The following LRMDA variants were observed in gnomAD, a reference collection of about 807,000 sequenced individuals.
LRMDA encodes leucine-rich melanocyte differentiation-associated protein.
Under a neutral mutation model 29.8 loss-of-function variants are expected in LRMDA, and 18 were observed. The ratio of observed to expected loss-of-function variants is 0.60; its 90% CI spans 0.42 to 0.90. The LOEUF (loss-of-function observed/expected upper bound fraction) is 0.90, where lower values mean the gene tolerates loss of function less well. LRMDA is among the 40% of genes least tolerant of loss of function. The pLI, the probability that LRMDA is intolerant of heterozygous loss-of-function variation, is 0.00. For missense variants in LRMDA, 273 were observed against 273.9 expected (o/e 1.00, Z 0.02); for synonymous variants, 125 against 109.4 (o/e 1.14, Z -0.89).
chr10:76,030,218 C>G (rs544850782), intron 2 of LRMDA, among the ~76,000 whole-genome samples: 1 of 152,024 alleles, frequency 6.6e-6, no homozygotes, highest in Non-Finnish European at 1.5e-5. Flanking sequence ...GATACACTTA[C>G]AGTATGGATT....
chr10:76,355,216 A>G (rs780791839), intron 6 of LRMDA, among the ~76,000 whole-genome samples: 1 of 152,166 alleles, frequency 6.6e-6, no homozygotes, highest in Non-Finnish European at 1.5e-5. Context: ...GTATGTGCCA[A>G]AGTGACTAGA....
chr10:75,502,626 C>T (rs1369847303), intron 2 of LRMDA, among the ~76,000 whole-genome samples: 1 of 152,144 alleles, frequency 6.6e-6, no homozygotes, highest in African/African-American at 2.4e-5. Flanking sequence ...GCCTGGTTGG[C>T]CCTTGAACTC....
intron 2 of LRMDA, among the ~76,000 whole-genome samples, chr10:75,640,771 G>A (rs1389531795): frequency 6.6e-6 from 1 of 152,068 alleles, no homozygotes; most frequent in Non-Finnish European, 1.5e-5. Flanking sequence ...TCAAAGGGAA[G>A]CTTTTTTTTA....
intron 2 of LRMDA, among the ~76,000 whole-genome samples, chr10:75,492,949 T>C (rs901592251): frequency 2.0e-5 from 3 of 152,184 alleles, no homozygotes; most frequent in Non-Finnish European, 4.4e-5. Context: ...ACAAAGCTCA[T>C]TGAAGGAATA....
At chr10:75,741,962 A>G (rs767088620) in intron 2 of LRMDA, among the ~76,000 whole-genome samples, 10 of 152,198 alleles carry the variant, frequency 6.6e-5, no homozygotes, top group Non-Finnish European at 1.0e-4. Flanking sequence ...CTGTGAGGAC[A>G]GAATGCAAAG....
chr10:76,393,456 A>G (rs924785990), intron 6 of LRMDA, among the ~76,000 whole-genome samples: 6 of 152,036 alleles, frequency 3.9e-5, no homozygotes, highest in African/African-American at 1.2e-4. Context: ...GATCATTTGT[A>G]TGTCTTCTTT....
intron 2 of LRMDA, among the ~76,000 whole-genome samples, chr10:75,564,035 G>A (rs1840337288): frequency 6.6e-6 from 1 of 152,186 alleles, no homozygotes; most frequent in Non-Finnish European, 1.5e-5. Context: ...CCAGCTGCGT[G>A]CTGGGAGAAC....
chr10:76,123,278 G>A (rs184392815), intron 5 of LRMDA, among the ~76,000 whole-genome samples: 140 of 151,502 alleles, frequency 9.2e-4, no homozygotes, highest in Non-Finnish European at 1.6e-4. Flanking sequence ...GGAGGCCAAG[G>A]CAGTCAGATT....
At chr10:76,094,020 T>C (rs1849275477) in intron 5 of LRMDA, among the ~76,000 whole-genome samples, 1 of 152,156 alleles carries the variant, frequency 6.6e-6, no homozygotes, top group Non-Finnish European at 1.5e-5. Flanking sequence ...CAGTTTTGTG[T>C]CCTCTGTAGT....
chr10:75,517,938 T>G (rs1219280827), intron 2 of LRMDA, among the ~76,000 whole-genome samples: 1 of 152,224 alleles, frequency 6.6e-6, no homozygotes, highest in Non-Finnish European at 1.5e-5. Flanking sequence ...TGGAGTTTTC[T>G]GCATCTATTG....
At chr10:76,160,391 T>C (rs1850623763) in intron 5 of LRMDA, among the ~76,000 whole-genome samples, 1 of 152,114 alleles carries the variant, frequency 6.6e-6, no homozygotes, top group Non-Finnish European at 1.5e-5. Context: ...GGATATTTGA[T>C]AACAGTAATT....
intron 2 of LRMDA, among the ~76,000 whole-genome samples, chr10:75,551,494 C>A (rs1343789108): frequency 6.6e-6 from 1 of 151,988 alleles, no homozygotes; most frequent in African/African-American, 2.4e-5. Context: ...AGCCCCCATC[C>A]CCCAACAGGC....
intron 2 of LRMDA, among the ~76,000 whole-genome samples, chr10:75,585,913 G>C (rs1460716392): frequency 6.6e-6 from 1 of 152,082 alleles, no homozygotes; most frequent in East Asian, 1.9e-4. Flanking sequence ...CACATAAGTG[G>C]AATCATGCAG....
intron 2 of LRMDA, among the ~76,000 whole-genome samples, chr10:75,620,123 C>A (rs1841163496): frequency 6.6e-6 from 1 of 152,140 alleles, no homozygotes; most frequent in Non-Finnish European, 1.5e-5. Flanking sequence ...TGCACACTGC[C>A]TGCTCCCTGG....
In LRMDA at chr10:76,024,477, C is replaced by T. The variant is rs545165087; in HGVS notation, c.132-11531C>T. Among the ~76,000 whole-genome samples, 12 of 152,314 alleles carry T rather than the reference C, an allele frequency of 7.9e-5. No homozygotes were observed. In the South Asian group the frequency reaches 2.3e-3, roughly 29 times the overall value. ...AAAGAAAATGGCTCCGGTAGCAAGC[C>T]ACTTTTGGAGGTCACCATATCTCCT... is the stretch of plus-strand genomic sequence containing the variant. On this transcript the variant is annotated intron_variant, in intron 2 of 6. Transcript: ENST00000611255.
intron 2 of LRMDA, among the ~76,000 whole-genome samples, chr10:75,960,211 T>A (rs1206034520): frequency 6.6e-6 from 1 of 152,212 alleles, no homozygotes. Context: ...CTAGAGCTAA[T>A]TCATACTAAA....
At chr10:76,355,118 A>G (rs1244611280) in intron 6 of LRMDA, among the ~76,000 whole-genome samples, 2 of 152,168 alleles carry the variant, frequency 1.3e-5, no homozygotes, top group Non-Finnish European at 2.9e-5. Context: ...AGTATCAAAC[A>G]TGACCTTTGC....
chr10:76,357,837 C>T (rs1363385116), intron 6 of LRMDA, among the ~76,000 whole-genome samples: 1 of 152,174 alleles, frequency 6.6e-6, no homozygotes, highest in Non-Finnish European at 1.5e-5. Flanking sequence ...GTTCTTTCTT[C>T]CGTCTGTAAA....
At chr10:75,719,514 C>T (rs973616873) in intron 2 of LRMDA, among the ~76,000 whole-genome samples, 3 of 152,174 alleles carry the variant, frequency 2.0e-5, no homozygotes, top group Non-Finnish European at 4.4e-5. Context: ...GTTTCTTAGT[C>T]GTAGAGTATT....
Sources: allele counts gnomAD v4.1 joint callset (sites outside exome capture counted in the v4.1 genomes callset), GRCh38; gene constraint gnomAD v4.1.1; transcripts MANE v1.5; gene names NCBI Gene and HGNC (gene_info 2026-07-23, HGNC 2026-07-21).